RXRA: variants seen among roughly 807,000 people sequenced by gnomAD.
The protein encoded by RXRA is retinoic acid receptor RXR-alpha.
Under a neutral mutation model 44.5 loss-of-function variants are expected in RXRA, and 5 were observed. The ratio of observed to expected loss-of-function variants is 0.11; its 90% CI spans 0.06 to 0.24. The LOEUF (loss-of-function observed/expected upper bound fraction) is 0.24, where lower values mean the gene tolerates loss of function less well. RXRA is among the 10% of genes least tolerant of loss of function. The pLI is 1.00. For missense variants in RXRA, 412 were observed against 646.5 expected, an observed-to-expected ratio of 0.64 and a Z score of 3.93; for synonymous variants, 291 against 271.4, an observed-to-expected ratio of 1.07 and a Z score of -0.71.
Position 134,417,043 on chromosome 9 carries a change from T to A in RXRA, c.611-115T>A. The A allele has an allele frequency of 9.2e-7, 1 of 1,086,398 alleles. No homozygotes were observed. The highest frequency in any genetic ancestry group is 1.3e-6 in the Non-Finnish European group (1 of 758,428). The allele number at this position is 1,086,398 out of a possible 1,614,324, so 67.3% of individuals were successfully genotyped here. A position where few individuals can be genotyped will look rare whatever the true frequency, so the allele number is the denominator to read the frequency against. ...CTCCATCACCCAGTGCTGGTGGGGA[T>A]GCTGGTGTTGTGGGTGAGTTGGCTG... On this transcript the variant is annotated intron_variant, in intron 4 of 9. Transcript: ENST00000481739. This position sits in a 1 kb window ranked among gnomAD's most constrained non-coding sequence, Gnocchi z 6.1.
At chr9:134,373,429 G>GCA (rs1259789050) in intron 1 of RXRA, among the ~76,000 whole-genome samples, 3 of 152,208 alleles carry the variant, frequency 2.0e-5, no homozygotes, top group Admixed American at 6.5e-5. Context: ...CTCCAACCCT[G>GCA]TGTTTTCCCA....
intron 1 of RXRA, among the ~76,000 whole-genome samples, chr9:134,375,894 C>A (rs530832885): frequency 6.6e-6 from 1 of 151,758 alleles, no homozygotes; most frequent in Non-Finnish European, 1.5e-5. Flanking sequence ...CCCTGCGACT[C>A]GATGGCAGAG....
At chr9:134,412,574 G>A (rs888667778) in intron 4 of RXRA, among the ~76,000 whole-genome samples, 4 of 152,220 alleles carry the variant, frequency 2.6e-5, no homozygotes, top group African/African-American at 9.6e-5. Flanking sequence ...GCCTGCACGC[G>A]CAGGCAGCCA....
At chr9:134,422,890 G>A (rs1342278777) in intron 6 of RXRA, 2 of 985,370 alleles carry the variant, frequency 2.0e-6, no homozygotes, top group Non-Finnish European at 2.4e-6. Context: ...AGAGCCACGT[G>A]CTCTCTGCCC....
In RXRA at chr9:134,417,243, G is replaced by A; in HGVS notation, c.696G>A (p.Val232=). 2 of 1,613,890 alleles carry A rather than the reference G, an allele frequency of 1.2e-6. No individual in the cohort carries two copies. Among genetic ancestry groups the A allele is most frequent in the Non-Finnish European group, 1.7e-6 (2 of 1,179,984 alleles). The change falls in exon 5 of 10, where the codon GTG becomes GTA. Residue 232 remains valine, a synonymous_variant. Coordinates refer to ENST00000481739, the MANE Select transcript of RXRA (RefSeq NM_002957.6). The surrounding 1 kb of genome is among the most constrained non-coding windows in gnomAD (Gnocchi z 6.1). ...GCAGCGCCAACGAGGACATGCCGGT[G>A]GAGAGGATCCTGGAGGCTGAGCTGG... is the stretch of plus-strand genomic sequence containing the variant. ...STSSANEDMP[V]ERILEAELAV...
rs1207109149 is a variant in RXRA, at chr9:134,349,359, CG to C, written c.28+22701del. On this transcript the variant is annotated intron_variant, in intron 1 of 9. Transcript: ENST00000481739. This position sits in a 1 kb window ranked among gnomAD's most constrained non-coding sequence, Gnocchi z 4.3. The stretch of plus-strand genomic sequence containing the variant: ...GGCGCCTCGGCCTGGTGGAGGGCTT[CG>C]CCGAGCTTGGTGGCAGGGAGGGAAG... Among the ~76,000 whole-genome samples, 1 of 152,126 alleles carries C rather than the reference CG, an allele frequency of 6.6e-6. No homozygotes were observed. Among genetic ancestry groups the C allele is most frequent in the Non-Finnish European group, 1.5e-5 (1 of 68,014 alleles).
At chr9:134,356,619 C>T (rs1249762628) in intron 1 of RXRA, among the ~76,000 whole-genome samples, 3 of 152,216 alleles carry the variant, frequency 2.0e-5, no homozygotes, top group Non-Finnish European at 4.4e-5. Flanking sequence ...AGAGATGGCC[C>T]GGTGCACTGA....
At chr9:134,389,027 T>G (rs959122601) in intron 1 of RXRA, among the ~76,000 whole-genome samples, 2 of 152,150 alleles carry the variant, frequency 1.3e-5, no homozygotes, top group African/African-American at 4.8e-5. Context: ...CTCAGGCCTG[T>G]GTCCACTCAC....
intron 6 of RXRA, chr9:134,425,519 A>G (rs924203342): frequency 7.5e-6 from 7 of 927,434 alleles, no homozygotes; most frequent in Middle Eastern, 5.5e-4. Context: ...CCTGGGTTGC[A>G]CAGGCACCTC....
In RXRA at chr9:134,409,025, C is replaced by T. The variant is rs144573078; in HGVS notation, c.516C>T (p.Arg172=). The stretch of plus-strand genomic sequence containing the variant: ...GCAAGGACCTGACCTACACCTGCCG[C>T]GACAACAAGGACTGCCTGATTGACA... ...TVRKDLTYTC[R]DNKDCLIDKR... is the part of the protein sequence containing the mutation. The change falls in exon 4 of 10, where the codon CGC becomes CGT. Residue 172 remains arginine, a synonymous_variant. Transcript: ENST00000481739. The T allele has an allele frequency of 1.4e-4, 221 of 1,612,036 alleles. No homozygotes were observed. In the African/African-American group the frequency reaches 1.9e-3, roughly 14 times the overall value.
At chr9:134,408,112 T>G in intron 2 of RXRA, 37 bp from the exon 3 acceptor site, 1 of 1,497,796 alleles carries the variant, frequency 6.7e-7, no homozygotes, top group Non-Finnish European at 8.9e-7. Flanking sequence ...ACAAACCTGG[T>G]GTACACCCCG....
intron 4 of RXRA, among the ~76,000 whole-genome samples, chr9:134,410,785 C>T (rs3132296): frequency 0.59 from 89,630 of 152,090 alleles, 27,971 homozygotes; most frequent in East Asian, 0.76. Context: ...TTGGTTTAGC[C>T]GAGACCACTC....
intron 1 of RXRA, among the ~76,000 whole-genome samples, chr9:134,333,447 G>A (rs1450325625): frequency 1.3e-5 from 2 of 152,182 alleles, no homozygotes; most frequent in Non-Finnish European, 1.5e-5. Context: ...CGGGGCCAGG[G>A]CTGGGGGTGA....
intron 1 of RXRA, among the ~76,000 whole-genome samples, chr9:134,335,744 G>A (rs1554747201): frequency 6.6e-6 from 1 of 152,144 alleles, no homozygotes; most frequent in East Asian, 1.9e-4. Flanking sequence ...GACTCCTACC[G>A]GCGCCCATGT....
At chr9:134,413,664 T>G (rs1377413756) in intron 4 of RXRA, among the ~76,000 whole-genome samples, 3 of 152,202 alleles carry the variant, frequency 2.0e-5, no homozygotes, top group Non-Finnish European at 4.4e-5. Flanking sequence ...GGCCTGGGGA[T>G]GCCCCTCGGC....
At position 134,426,162 on chromosome 9, in the gene RXRA, C is replaced by T. The variant is rs1444193573; in HGVS notation, c.911-2946C>T. 5.1e-6 allele frequency: 5 copies of T among 985,286 alleles called. No homozygotes were observed. Among genetic ancestry groups the T allele is most frequent in the Non-Finnish European group, 6.0e-6 (5 of 829,934 alleles). 61.0% of individuals were successfully genotyped at this position (985,286 alleles called of 1,614,324 possible). A position where few individuals can be genotyped will look rare whatever the true frequency, so the allele number is the denominator to read the frequency against. On this transcript the variant is annotated intron_variant, in intron 6 of 9. Transcript: ENST00000481739. This position sits in a 1 kb window ranked among gnomAD's most constrained non-coding sequence, Gnocchi z 4.6. ...GCAGCCCCAGGCAAGACTCTTTGTC[C>T]TGCGCTTGGAGCCTGGAGTAAGACC...
At chr9:134,341,548 T>C (rs1830086252) in intron 1 of RXRA, among the ~76,000 whole-genome samples, 1 of 152,194 alleles carries the variant, frequency 6.6e-6, no homozygotes, top group South Asian at 2.1e-4. Flanking sequence ...CTGGGTGAGA[T>C]AGGCCCCCGC....
chr9:134,430,037 C>T (rs1042837076), intron 7 of RXRA, among the ~76,000 whole-genome samples: 21 of 152,218 alleles, frequency 1.4e-4, no homozygotes, highest in South Asian at 2.1e-4. Flanking sequence ...AGGCGCCCGC[C>T]ACCACGCCCG....
At chr9:134,326,914 G>A (rs1204536126) in intron 1 of RXRA, among the ~76,000 whole-genome samples, 1 of 149,872 alleles carries the variant, frequency 6.7e-6, no homozygotes, top group African/African-American at 2.4e-5. Flanking sequence ...GGTTCGCCCG[G>A]GACGAGGAGG....
Sources: allele counts gnomAD v4.1 joint callset (sites outside exome capture counted in the v4.1 genomes callset), GRCh38; gene constraint gnomAD v4.1.1; non-coding constraint Gnocchi (gnomAD v3.1); transcripts MANE v1.5; gene names NCBI Gene and HGNC (gene_info 2026-07-23, HGNC 2026-07-21).